Variants in JHY observed in about 807,000 individuals in gnomAD.
JHY encodes the protein junctional cadherin complex regulator.
JHY carries 69 observed loss-of-function variants against 78.0 expected under a neutral mutation model. The ratio of observed to expected loss-of-function variants is 0.88; its 90% CI spans 0.73 to 1.08. The LOEUF is 1.08. Ranked by LOEUF, JHY falls within the 50% of genes least tolerant of loss-of-function variation. The probability of loss-of-function intolerance (pLI) is 0.00; values close to 1 mark genes in which losing one functional copy is unlikely to be tolerated. For missense variants in JHY, 944 were observed against 927.8 expected (o/e 1.02, Z -0.23); for synonymous variants, 368 against 342.6 (o/e 1.07, Z -0.82).
In JHY at chr11:122,946,490, TC is replaced by T. The variant is rs1294428212; in HGVS notation, c.1635-7del. ...TAATAGATTTGTGCCTTTTTTTTTTTCATTAAGGAAATTCCATTCTTCTTCT... is the reference window on the plus strand; with the variant it reads ...TAATAGATTTGTGCCTTTTTTTTTTTATTAAGGAAATTCCATTCTTCTTCT... On this transcript the variant is annotated splice_region_variant and splice_polypyrimidine_tract_variant and intron_variant, in intron 5 of 8. Transcript: ENST00000227349. 10 of 1,556,296 alleles carry T rather than the reference TC, an allele frequency of 6.4e-6. No individual in the cohort carries two copies. The highest frequency in any genetic ancestry group is 2.8e-5 in the African/African-American group (2 of 72,018).
intron 6 of JHY, among the ~76,000 whole-genome samples, chr11:122,955,886 T>C (rs1415269192): frequency 6.6e-6 from 1 of 152,240 alleles, no homozygotes; most frequent in Non-Finnish European, 1.5e-5. Flanking sequence ...TGAAGCACTG[T>C]GTTTATCTGG....
rs1862774687 is a variant in JHY at position 122,898,148 on chromosome 11, A to G, written c.345-5777A>G. On this transcript the variant is annotated intron_variant, in intron 2 of 8. Coordinates refer to ENST00000227349, the MANE Select transcript of JHY (RefSeq NM_024806.4). The surrounding 1 kb of genome is among the most constrained non-coding windows in gnomAD (Gnocchi z 4.4). Reference sequence around the variant, plus strand: ...TTGGTGCATAAAGCCTGTCCTCCTCATTGAAGGGTAAGATCCAGCAGCCTG... The same window carrying G: ...TTGGTGCATAAAGCCTGTCCTCCTCGTTGAAGGGTAAGATCCAGCAGCCTG... 6.6e-6 allele frequency among the ~76,000 whole-genome samples: 1 copy of G among 152,162 alleles called. No individual in the cohort carries two copies. The highest frequency in any genetic ancestry group is 2.4e-5 in the African/African-American group (1 of 41,444).
At chr11:122,931,023 G>A (rs1198208601) in intron 4 of JHY, among the ~76,000 whole-genome samples, 3 of 152,106 alleles carry the variant, frequency 2.0e-5, no homozygotes, top group Non-Finnish European at 2.9e-5. Context: ...CAATGGAGGG[G>A]GGGAATGAGC....
chr11:122,905,362 T>C, intron 3 of JHY: 1 of 1,525,220 alleles, frequency 6.6e-7, no homozygotes, highest in Non-Finnish European at 8.8e-7. Flanking sequence ...AGCTTGAGAT[T>C]TATCACCTGC....
chr11:122,938,907 C>T (rs1002468422), intron 5 of JHY, among the ~76,000 whole-genome samples: 1 of 151,258 alleles, frequency 6.6e-6, no homozygotes, highest in Non-Finnish European at 1.5e-5. Context: ...AAACCTCCAG[C>T]GAGCTGCGGA....
chr11:122,933,294 A>C (rs1863674202), intron 4 of JHY, among the ~76,000 whole-genome samples: 1 of 152,206 alleles, frequency 6.6e-6, no homozygotes, highest in African/African-American at 2.4e-5. Context: ...GAGATTTTTT[A>C]GTATATGTGT....
Position 122,886,093 on chromosome 11 carries a change from T to C in JHY, c.244T>C (p.Trp82Arg). The change falls in exon 2 of 9, where the codon TGG becomes CGG. Residue 82 changes from tryptophan to arginine, a missense_variant. By Grantham distance (101) the Trp-to-Arg change is moderately radical. Coordinates refer to ENST00000227349, the MANE Select transcript of JHY (RefSeq NM_024806.4). ...CTTAGACGAGGAGGAAAGCCCTCGA[T>C]GGGGAAGCCTGCACGAGATGGAAGA... is the stretch of plus-strand genomic sequence containing the variant. ...DSLDEEESPR[W>R]GSLHEMEEEA... is the part of the protein sequence containing the mutation. The C allele has an allele frequency of 6.2e-7, 1 of 1,614,046 alleles. No individual in the cohort carries two copies. The highest frequency in any genetic ancestry group is 8.5e-7 in the Non-Finnish European group (1 of 1,180,024).
chr11:122,944,928 GGT>G (rs1408660601), intron 5 of JHY, among the ~76,000 whole-genome samples: 1 of 151,832 alleles, frequency 6.6e-6, no homozygotes, highest in East Asian at 1.9e-4. Context: ...CTCTGGTTTT[GGT>G]GTTCTGAAGT....
At chr11:122,884,332 G>T (rs1862449096) in intron 1 of JHY, among the ~76,000 whole-genome samples, 1 of 152,006 alleles carries the variant, frequency 6.6e-6, no homozygotes, top group Non-Finnish European at 1.5e-5. Flanking sequence ...TAGTAATAAG[G>T]TTGTGTCATT....
At chr11:122,923,984 A>T (rs563827868) in intron 3 of JHY, among the ~76,000 whole-genome samples, 3 of 138,098 alleles carry the variant, frequency 2.2e-5, no homozygotes, top group African/African-American at 5.5e-5. Context: ...TGATCCACCC[A>T]CCTTGGCTTC....
intron 4 of JHY, among the ~76,000 whole-genome samples, chr11:122,930,402 A>C (rs1863613124): frequency 1.3e-5 from 2 of 152,330 alleles, no homozygotes; most frequent in South Asian, 4.1e-4. Context: ...GGATTTAACC[A>C]GAGGATGTAT....
Position 122,959,602 on chromosome 11 carries a change from A to G in JHY, c.*157A>G, listed in dbSNP as rs982685662. The G allele has an allele frequency of 8.7e-6, 6 of 688,942 alleles. No homozygotes were observed. Among genetic ancestry groups the G allele is most frequent in the African/African-American group, 1.8e-5 (1 of 55,252 alleles). The allele number at this position is 688,942 out of a possible 1,614,324, so 42.7% of individuals were successfully genotyped here. A position where few individuals can be genotyped will look rare whatever the true frequency, so the allele number is the denominator to read the frequency against. ...TGCAGGATTTAAAATATGAGGCCCA[A>G]TTGGATTATGGTGCCATATTTTACT... On this transcript the variant is annotated 3_prime_UTR_variant, in exon 9 of 9. Transcript: ENST00000227349.
chr11:122,896,212 G>A (rs1862737499), intron 2 of JHY, among the ~76,000 whole-genome samples: 1 of 151,906 alleles, frequency 6.6e-6, no homozygotes, highest in Non-Finnish European at 1.5e-5. Context: ...AATCTTTTCT[G>A]TAGTGGGTGA....
At chr11:122,951,309 A>G (rs1368024990) in intron 6 of JHY, among the ~76,000 whole-genome samples, 1 of 152,220 alleles carries the variant, frequency 6.6e-6, no homozygotes, top group Non-Finnish European at 1.5e-5. Context: ...CAGTATAAAA[A>G]TATCTGTTGC....
At chr11:122,939,480 C>T (rs1679009270) in intron 5 of JHY, among the ~76,000 whole-genome samples, 1 of 152,156 alleles carries the variant, frequency 6.6e-6, no homozygotes, top group African/African-American at 2.4e-5. Context: ...ACCATTCAAC[C>T]ATCTGTTCTC....
In JHY at chr11:122,883,586, T is replaced by G. The variant is rs950659753; in HGVS notation, c.-90+614T>G. ...GGTCAGAAATTTCAGCGGCACAACC[T>G]TTTTTTTTTTTCACTGGACGGGAGG... On this transcript the variant is annotated intron_variant, in intron 1 of 8. Transcript: ENST00000227349. The surrounding 1 kb of genome is among the most constrained non-coding windows in gnomAD (Gnocchi z 4.4). Among the ~76,000 whole-genome samples the G allele has an allele frequency of 7.8e-4, 112 of 144,340 alleles. 1 individual carries two copies. Among genetic ancestry groups the G allele is most frequent in the African/African-American group, 2.5e-3 (101 of 39,692 alleles). 94.7% of individuals were successfully genotyped at this position (144,340 alleles called of 152,430 possible).
intron 5 of JHY, among the ~76,000 whole-genome samples, chr11:122,945,218 G>C (rs1417087580): frequency 6.6e-6 from 1 of 152,060 alleles, no homozygotes; most frequent in Non-Finnish European, 1.5e-5. Flanking sequence ...CTTCAAATAA[G>C]TTTTCCAGTG....
At chr11:122,909,395 A>C (rs1017007523) in intron 3 of JHY, among the ~76,000 whole-genome samples, 3 of 152,210 alleles carry the variant, frequency 2.0e-5, no homozygotes, top group African/African-American at 7.2e-5. Flanking sequence ...GCCACCTGCC[A>C]GCTCGGTGAC....
chr11:122,914,530 C>T (rs1159693750), intron 3 of JHY, among the ~76,000 whole-genome samples: 3 of 152,002 alleles, frequency 2.0e-5, no homozygotes, highest in Non-Finnish European at 4.4e-5. Flanking sequence ...CTGCAACTTC[C>T]GCTTCCCTGG....
Sources: allele counts gnomAD v4.1 joint callset (sites outside exome capture counted in the v4.1 genomes callset), GRCh38; gene constraint gnomAD v4.1.1; non-coding constraint Gnocchi (gnomAD v3.1); transcripts MANE v1.5; gene names NCBI Gene and HGNC (gene_info 2026-07-23, HGNC 2026-07-21).